The following CUX1 variants were observed in gnomAD, a reference collection of about 807,000 sequenced individuals.
The protein encoded by CUX1 is protein CASP.
Under a neutral mutation model 158.8 loss-of-function variants are expected in CUX1, and 31 were observed. The ratio of observed to expected loss-of-function variants is 0.20; its 90% confidence interval spans 0.15 to 0.26. The LOEUF (loss-of-function observed/expected upper bound fraction) is 0.26, where lower values mean the gene tolerates loss of function less well. Ranked by LOEUF, CUX1 falls within the 10% of genes least tolerant of loss-of-function variation. The pLI is 1.00. For synonymous variants in CUX1, 879 were observed against 862.1 expected, an observed-to-expected ratio of 1.02 and a Z score of -0.34; for missense variants, 1,589 against 2,014.6, an observed-to-expected ratio of 0.79 and a Z score of 4.04.
chr7:102,131,121 A>C (rs1219802623), intron 8 of CUX1, among the ~76,000 whole-genome samples: 1 of 152,088 alleles, frequency 6.6e-6, no homozygotes, highest in Non-Finnish European at 1.5e-5. Context: ...AAAAAAAAAA[A>C]AAAAACTCTC....
intron 6 of CUX1, among the ~76,000 whole-genome samples, chr7:102,108,524 G>A (rs781978333): frequency 1.3e-5 from 2 of 151,792 alleles, no homozygotes; most frequent in Non-Finnish European, 2.9e-5. Context: ...TTTCAGTAGA[G>A]ATAGGTTTTC....
chr7:101,989,094 C>T (rs1422609801), intron 2 of CUX1, among the ~76,000 whole-genome samples: 1 of 152,172 alleles, frequency 6.6e-6, no homozygotes, highest in African/African-American at 2.4e-5. Flanking sequence ...TTCTGCTCCT[C>T]CTCCAAGGCT....
intron 1 of CUX1, among the ~76,000 whole-genome samples, chr7:101,891,986 A>G (rs2131647286): frequency 6.6e-6 from 1 of 152,298 alleles, no homozygotes. Flanking sequence ...TAGACTTGTA[A>G]ACTGGAAACC....
Position 102,256,417 on chromosome 7 carries a change from T to C in CUX1, c.*7375T>C, listed in dbSNP as rs1289654305. The stretch of plus-strand genomic sequence containing the variant: ...TTTTGTGTTTTGTTGTCATAAATGC[T>C]TTTTGCTGTCACTCTAGTGGTTACT... On this transcript the variant is annotated 3_prime_UTR_variant, in exon 24 of 24. Coordinates refer to ENST00000292535, the MANE Select transcript of CUX1 (RefSeq NM_181552.4). 1 of 985,336 alleles carries C rather than the reference T, an allele frequency of 1.0e-6. No homozygotes were observed. The highest frequency in any genetic ancestry group is 1.7e-5 in the African/African-American group (1 of 57,232). The allele number at this position is 985,336 out of a possible 1,614,324, so 61.0% of individuals were successfully genotyped here.
chr7:102,203,812 T>G (rs1467040909), intron 18 of CUX1, among the ~76,000 whole-genome samples: 1 of 152,102 alleles, frequency 6.6e-6, no homozygotes, highest in South Asian at 2.1e-4. Flanking sequence ...TCGGCAATCA[T>G]CTGCGGCGGA....
intron 3 of CUX1, among the ~76,000 whole-genome samples, chr7:102,066,292 C>T (rs1480814289): frequency 6.6e-6 from 1 of 152,126 alleles, no homozygotes; most frequent in Non-Finnish European, 1.5e-5. Context: ...GGTTTCTCCT[C>T]CTTATTGGAT....
intron 2 of CUX1, among the ~76,000 whole-genome samples, chr7:102,000,937 A>G (rs1816608305): frequency 6.6e-6 from 1 of 151,998 alleles, no homozygotes; most frequent in Non-Finnish European, 1.5e-5. Flanking sequence ...ATGCCAGGCT[A>G]ATACTGTTTA....
chr7:102,276,995 CAAAA>C (rs1215239717), intron 17 of CUX1, among the ~76,000 whole-genome samples: 1 of 151,670 alleles, frequency 6.6e-6, no homozygotes, highest in Non-Finnish European at 1.5e-5. Flanking sequence ...ATACCAATGA[CAAAA>C]AAAAGTATGA....
chr7:102,212,420 C>G (rs575268322), intron 20 of CUX1, among the ~76,000 whole-genome samples: 1 of 152,188 alleles, frequency 6.6e-6, no homozygotes, highest in Non-Finnish European at 1.5e-5. Flanking sequence ...TGCCAGAACT[C>G]GGCCCCCCAA....
At chr7:102,232,757 C>T (rs6954176) in intron 21 of CUX1, among the ~76,000 whole-genome samples, 138 of 152,314 alleles carry the variant, frequency 9.1e-4, no homozygotes, top group Non-Finnish European at 1.7e-3. Context: ...CTCTCCATAG[C>T]GAAATGCCCT....
In CUX1 at chr7:102,070,326, C is replaced by T. The variant is rs773077023; in HGVS notation, c.190-13C>T. 6.2e-7 allele frequency: 1 copy of T among 1,603,356 alleles called. No homozygotes were observed. Among genetic ancestry groups the T allele is most frequent in the Non-Finnish European group, 8.5e-7 (1 of 1,175,512 alleles). The stretch of plus-strand genomic sequence containing the variant: ...CTCTTTGTTTTTCTTTTCTTTCTTT[C>T]CTTCCCTTTCAGATTGATGCACTGA... On this transcript the variant is annotated splice_polypyrimidine_tract_variant and intron_variant, in intron 3 of 23. Transcript: ENST00000292535.
At chr7:102,103,210 G>A (rs1293599148) in intron 5 of CUX1, among the ~76,000 whole-genome samples, 5 of 152,082 alleles carry the variant, frequency 3.3e-5, no homozygotes, top group South Asian at 2.1e-4. Flanking sequence ...CCCAGGCTAC[G>A]GCACCCTCTG....
intron 2 of CUX1, among the ~76,000 whole-genome samples, chr7:101,939,850 A>C (rs1459678840): frequency 6.6e-6 from 1 of 152,062 alleles, no homozygotes; most frequent in Non-Finnish European, 1.5e-5. Flanking sequence ...TGGGAGGCCA[A>C]GGTGGGTGGA....
intron 11 of CUX1, among the ~76,000 whole-genome samples, chr7:102,180,734 CG>C (rs1792953405): frequency 6.6e-6 from 1 of 151,174 alleles, no homozygotes; most frequent in African/African-American, 2.4e-5. Flanking sequence ...ATGGCTCCCA[CG>C]ACCCTCCCTC....
At chr7:102,143,200 G>A (rs1208377481) in intron 8 of CUX1, among the ~76,000 whole-genome samples, 1 of 152,148 alleles carries the variant, frequency 6.6e-6, no homozygotes, top group Non-Finnish European at 1.5e-5. Context: ...TTCCCTTCCT[G>A]GGTCAGATGG....
chr7:102,010,396 CAAAA>C (rs35965710), intron 2 of CUX1, among the ~76,000 whole-genome samples: 1 of 90,246 alleles, frequency 1.1e-5, no homozygotes, highest in Admixed American at 1.2e-4. Flanking sequence ...GACTCTGTCT[CAAAA>C]AAAAAAAAAA....
chr7:102,036,108 A>G, intron 3 of CUX1, among the ~76,000 whole-genome samples: 1 of 152,108 alleles, frequency 6.6e-6, no homozygotes, highest in South Asian at 2.1e-4. Context: ...CTGGGATTAC[A>G]GGCGCCTGCC....
At chr7:101,949,544 T>C (rs899945962) in intron 2 of CUX1, among the ~76,000 whole-genome samples, 25 of 142,544 alleles carry the variant, frequency 1.8e-4, no homozygotes, top group Non-Finnish European at 3.7e-4. Flanking sequence ...CCTTTTTTTT[T>C]CTTTGAGACA....
At chr7:102,001,542 C>T (rs1460225720) in intron 2 of CUX1, among the ~76,000 whole-genome samples, 2 of 152,132 alleles carry the variant, frequency 1.3e-5, no homozygotes, top group Non-Finnish European at 2.9e-5. Context: ...CAGGGTTTCA[C>T]CATGTTGGCC....
Sources: allele counts gnomAD v4.1 joint callset (sites outside exome capture counted in the v4.1 genomes callset), GRCh38; gene constraint gnomAD v4.1.1; transcripts MANE v1.5; gene names NCBI Gene and HGNC (gene_info 2026-07-23, HGNC 2026-07-21).